Variants in CRTC3 observed in about 807,000 individuals in gnomAD.
The protein encoded by CRTC3 is CREB regulated transcription coactivator 3.
In CRTC3, 26 loss-of-function variants were observed where a neutral mutation model predicts 74.5. That is an observed-to-expected ratio of 0.35 (90% CI 0.26 to 0.48). CRTC3 has a LOEUF of 0.48. CRTC3 is among the 20% of genes least tolerant of loss of function. The probability of loss-of-function intolerance (pLI) is 0.99; values close to 1 mark genes in which losing one functional copy is unlikely to be tolerated. For missense variants in CRTC3, 760 were observed against 787.3 expected, an observed-to-expected ratio of 0.97 and a Z score of 0.41; for synonymous variants, 377 against 325.8, an observed-to-expected ratio of 1.16 and a Z score of -1.69.
At position 90,608,377 on chromosome 15, in the gene CRTC3, C is replaced by T. The variant is rs111276475; in HGVS notation, c.577+899C>T. 9.4e-3 allele frequency among the ~76,000 whole-genome samples: 1,429 copies of T among 152,266 alleles called. 15 individuals carry two copies. Among genetic ancestry groups the T allele is most frequent in the Middle Eastern group, 0.024 (7 of 294 alleles). ...GCCTCTCTCCCTTTTCTCTCTGCTC[C>T]CCCGCCTCACACCCAAGGTAGCCAT... On this transcript the variant is annotated intron_variant, in intron 6 of 14. Transcript: ENST00000268184.
At chr15:90,547,286 A>G (rs1169282283) in intron 2 of CRTC3, among the ~76,000 whole-genome samples, 1 of 152,182 alleles carries the variant, frequency 6.6e-6, no homozygotes, top group Non-Finnish European at 1.5e-5. Context: ...CATTGTTATT[A>G]ACTTTAGCAA....
rs1036925851 is a variant in CRTC3, at chr15:90,560,011, G to GT, written c.231+19882dup. On this transcript the variant is annotated intron_variant, in intron 2 of 14. Coordinates refer to ENST00000268184, the MANE Select transcript of CRTC3 (RefSeq NM_022769.5). ...ATTTCCTGTTCATAACCTTTTCTCA[G>GT]TTTTTTTTCTTATCAAATTGTAGGA... Among the ~76,000 whole-genome samples the GT allele has an allele frequency of 3.3e-5, 5 of 152,024 alleles. No individual in the cohort carries two copies. In the South Asian group the frequency reaches 6.2e-4, roughly 19 times the overall value.
chr15:90,627,654 CTG>C (rs1968885517), intron 10 of CRTC3, among the ~76,000 whole-genome samples: 1 of 151,012 alleles, frequency 6.6e-6, no homozygotes, highest in Non-Finnish European at 1.5e-5. Context: ...CAGACTCTTG[CTG>C]TGTCGCCCAG....
intron 2 of CRTC3, among the ~76,000 whole-genome samples, chr15:90,558,999 G>T (rs1000582574): frequency 1.8e-4 from 27 of 152,064 alleles, no homozygotes; most frequent in African/African-American, 6.3e-4. Flanking sequence ...TGATCCGCCC[G>T]CCTTGGCTTC....
intron 2 of CRTC3, 128 bp from the exon 3 acceptor site, chr15:90,593,508 G>A: frequency 3.1e-6 from 3 of 977,724 alleles, no homozygotes; most frequent in Non-Finnish European, 4.6e-6. Context: ...CTTGACCCAA[G>A]GCCCACTAAT....
intron 2 of CRTC3, among the ~76,000 whole-genome samples, chr15:90,563,181 G>A (rs1342841243): frequency 3.3e-5 from 5 of 152,030 alleles, no homozygotes; most frequent in Non-Finnish European, 5.9e-5. Flanking sequence ...TGAGGCGGGT[G>A]GATCACTTGA....
intron 2 of CRTC3, among the ~76,000 whole-genome samples, chr15:90,580,142 A>G (rs1368924731): frequency 6.6e-6 from 1 of 152,334 alleles, no homozygotes; most frequent in East Asian, 1.9e-4. Flanking sequence ...AGTTAGGACT[A>G]TGCCTAATCT....
chr15:90,628,225 T>TAAC (rs1379507794), intron 10 of CRTC3, among the ~76,000 whole-genome samples: 1 of 150,502 alleles, frequency 6.6e-6, no homozygotes, highest in Non-Finnish European at 1.5e-5. Context: ...TCAAAAAAAA[T>TAAC]AATAATAATA....
intron 11 of CRTC3, among the ~76,000 whole-genome samples, chr15:90,636,160 T>A (rs1274632402): frequency 1.3e-5 from 2 of 150,940 alleles, no homozygotes; most frequent in Non-Finnish European, 3.0e-5. Context: ...CAAACTATAC[T>A]ACAAGGCTAC....
At chr15:90,548,582 GA>G (rs932280055) in intron 2 of CRTC3, among the ~76,000 whole-genome samples, 3 of 149,740 alleles carry the variant, frequency 2.0e-5, no homozygotes, top group African/African-American at 7.4e-5. Flanking sequence ...TTCTTTAAAG[GA>G]AAAAAAAAGA....
chr15:90,557,676 C>T (rs769011519), intron 2 of CRTC3, among the ~76,000 whole-genome samples: 1 of 152,122 alleles, frequency 6.6e-6, no homozygotes, highest in Non-Finnish European at 1.5e-5. Flanking sequence ...GTAGCCTTTT[C>T]CCCTGGGTCT....
At chr15:90,626,866 T>C (rs985296914) in intron 10 of CRTC3, among the ~76,000 whole-genome samples, 7 of 152,162 alleles carry the variant, frequency 4.6e-5, no homozygotes, top group Non-Finnish European at 1.0e-4. Context: ...CCACCCGCCT[T>C]GGCCTCCCAA....
intron 3 of CRTC3, chr15:90,598,315 GT>G (rs1653127066): frequency 3.5e-5 from 23 of 655,560 alleles, no homozygotes; most frequent in Non-Finnish European, 5.8e-5. Flanking sequence ...GGCGGGTCTT[GT>G]TTTCAGCTTC....
rs1277516925 is a variant in CRTC3, at chr15:90,628,221, A to AT, written c.968-1013_968-1012insT. ...GACAGAGCGAGACTCTGTCTCAAAA[A>AT]AAATAATAATAATAATAGTGATAAT... On this transcript the variant is annotated intron_variant, in intron 10 of 14. Coordinates refer to ENST00000268184, the MANE Select transcript of CRTC3 (RefSeq NM_022769.5). Among the ~76,000 whole-genome samples the AT allele has an allele frequency of 1.2e-3, 181 of 151,692 alleles. 1 individual carries two copies. Among genetic ancestry groups the AT allele is most frequent in the African/African-American group, 4.1e-3 (169 of 41,378 alleles).
At position 90,638,765 on chromosome 15, in the gene CRTC3, G is replaced by A. The variant is rs1596152917; in HGVS notation, c.1498G>A (p.Val500Met). Residue 500 changes from valine (V) to methionine (M), a missense_variant, in exon 13 of 15, where the codon GTG becomes ATG. This residue lies in a region of CRTC3 where 652 missense variants were observed against 635.2 expected (regional missense o/e 1.03). Transcript: ENST00000268184. Reference protein sequence around the residue: ...GSSLTNFFPDVGFDQQSMRPG... With the variant: ...GSSLTNFFPDMGFDQQSMRPG... ...ATCTTTGACCAACTTCTTCCCAGAT[G>A]TGGGTTTTGACCAGCAGTCCATGAG... 1 of 1,614,186 alleles carries A rather than the reference G, an allele frequency of 6.2e-7. No homozygotes were observed. Among genetic ancestry groups the A allele is most frequent in the East Asian group, 2.2e-5 (1 of 44,870 alleles).
At chr15:90,542,377 C>T (rs1966817320) in intron 2 of CRTC3, among the ~76,000 whole-genome samples, 1 of 151,588 alleles carries the variant, frequency 6.6e-6, no homozygotes, top group African/African-American at 2.4e-5. Flanking sequence ...CAGTGTCTCA[C>T]CATGTTGGCC....
chr15:90,601,802 T>C (rs1968077742), intron 3 of CRTC3, among the ~76,000 whole-genome samples: 1 of 152,232 alleles, frequency 6.6e-6, no homozygotes, highest in African/African-American at 2.4e-5. Flanking sequence ...CTGAGATGAC[T>C]TCAGGCATAA....
intron 11 of CRTC3, chr15:90,638,061 T>C (rs970605320): frequency 1.0e-5 from 2 of 199,954 alleles, no homozygotes; most frequent in African/African-American, 4.7e-5. Context: ...GTTAATGTTG[T>C]AGTGTCTTGT....
intron 9 of CRTC3, among the ~76,000 whole-genome samples, chr15:90,621,986 G>T (rs1968666591): frequency 6.6e-6 from 1 of 152,160 alleles, no homozygotes; most frequent in Non-Finnish European, 1.5e-5. Flanking sequence ...GTCATGTGTG[G>T]GTAAATGCAC....
Sources: allele counts gnomAD v4.1 joint callset (sites outside exome capture counted in the v4.1 genomes callset), GRCh38; gene constraint gnomAD v4.1.1; regional missense constraint gnomAD v4.1.1; transcripts MANE v1.5; gene names NCBI Gene and HGNC (gene_info 2026-07-23, HGNC 2026-07-21).